CEP83: variants seen among roughly 807,000 people sequenced by gnomAD.
CEP83 encodes centrosomal protein of 83 kDa.
In CEP83, 70 loss-of-function variants were observed where a neutral mutation model predicts 101.9. The observed-to-expected ratio is 0.69, with a 90% CI of 0.57 to 0.84. CEP83 has a LOEUF of 0.84. CEP83 is among the 40% of genes least tolerant of loss of function. The pLI is 0.00. For missense variants in CEP83, 715 were observed against 787.2 expected (o/e 0.91, Z 1.10); for synonymous variants, 264 against 267.9 (o/e 0.99, Z 0.14).
rs753600363 is a variant in CEP83, at chr12:94,412,340, T to C, written c.151A>G (p.Thr51Ala). 4 of 1,609,570 alleles carry C rather than the reference T, an allele frequency of 2.5e-6. No homozygotes were observed. Among genetic ancestry groups the C allele is most frequent in the East Asian group, 4.5e-5 (2 of 44,596 alleles). ...TACCTTGTGTGTTCAGCCTTCAGTG[T>C]CTGATAATTAGCTTTATGATGCTCA... ...RCEHHKANYQ[T>A]LKAEHTRLQN... Residue 51 changes from threonine (T) to alanine (A), a missense_variant, in exon 3 of 17, where the codon ACA becomes GCA. Physicochemically the swap from Thr to Ala is moderately conservative, Grantham distance 58 (BLOSUM62 0). Coordinates refer to ENST00000397809, the MANE Select transcript of CEP83 (RefSeq NM_016122.3).
intron 2 of CEP83, among the ~76,000 whole-genome samples, chr12:94,412,978 G>A (rs919830082): frequency 4.6e-5 from 7 of 151,748 alleles, no homozygotes; most frequent in African/African-American, 1.2e-4. Flanking sequence ...TCAGCCTCCC[G>A]AGTAGCTGGG....
At chr12:94,358,358 T>C (rs758167067) in intron 11 of CEP83, among the ~76,000 whole-genome samples, 8 of 151,852 alleles carry the variant, frequency 5.3e-5, no homozygotes, top group South Asian at 2.1e-4. Flanking sequence ...GAAAAAAAAA[T>C]TGCAAGGTTT....
chr12:94,349,384 A>G (rs886965688), intron 11 of CEP83, among the ~76,000 whole-genome samples: 2 of 152,086 alleles, frequency 1.3e-5, no homozygotes, highest in East Asian at 1.9e-4. Flanking sequence ...AAATGTGTTG[A>G]CTGTAATGGT....
chr12:94,345,409 C>A (rs2059887614), intron 11 of CEP83, among the ~76,000 whole-genome samples: 1 of 152,086 alleles, frequency 6.6e-6, no homozygotes, highest in South Asian at 2.1e-4. Flanking sequence ...CCGTATTAGG[C>A]CCTTTGTTTA....
At chr12:94,347,436 T>G (rs1382624658) in intron 11 of CEP83, among the ~76,000 whole-genome samples, 9 of 152,146 alleles carry the variant, frequency 5.9e-5, no homozygotes, top group Non-Finnish European at 1.3e-4. Context: ...AACAAAATCC[T>G]CATATATTGC....
chr12:94,373,793 A>G (rs933478746), intron 8 of CEP83, among the ~76,000 whole-genome samples: 1 of 152,234 alleles, frequency 6.6e-6, no homozygotes, highest in Non-Finnish European at 1.5e-5. Context: ...TAAGACAAAC[A>G]CACCCCAGGT....
chr12:94,384,327 T>C (rs116852661), intron 6 of CEP83, among the ~76,000 whole-genome samples: 6,908 of 152,304 alleles, frequency 0.045, 214 homozygotes, highest in Non-Finnish European at 0.072. Context: ...TTTTCCCCAA[T>C]GGGTAAGATA....
chr12:94,453,822 G>A (rs1186422478), intron 1 of CEP83, among the ~76,000 whole-genome samples: 1 of 152,180 alleles, frequency 6.6e-6, no homozygotes, highest in Non-Finnish European at 1.5e-5. Flanking sequence ...GCCTAGGCCG[G>A]GCGCAGTGGC....
intron 2 of CEP83, among the ~76,000 whole-genome samples, chr12:94,415,745 TAGG>T (rs1396032447): frequency 6.6e-6 from 1 of 152,076 alleles, no homozygotes; most frequent in African/African-American, 2.4e-5. Context: ...TTCACAATGA[TAGG>T]AGGAGAATTT....
At chr12:94,417,028 G>A (rs886302602) in intron 2 of CEP83, among the ~76,000 whole-genome samples, 12 of 152,084 alleles carry the variant, frequency 7.9e-5, no homozygotes, top group East Asian at 7.7e-4. Context: ...TAGAAACCTC[G>A]ACTTGCTAGG....
intron 2 of CEP83, among the ~76,000 whole-genome samples, chr12:94,415,752 A>G (rs2064218201): frequency 6.6e-6 from 1 of 152,160 alleles, no homozygotes; most frequent in Non-Finnish European, 1.5e-5. Flanking sequence ...TGATAGGAGG[A>G]GAATTTCACC....
At chr12:94,374,353 A>G (rs2061431737) in intron 8 of CEP83, among the ~76,000 whole-genome samples, 2 of 152,152 alleles carry the variant, frequency 1.3e-5, no homozygotes, top group African/African-American at 4.8e-5. Context: ...TTATTCCAGC[A>G]GTGTAGTCTG....
chr12:94,336,204 CCT>C (rs1447103996), intron 11 of CEP83, among the ~76,000 whole-genome samples: 1 of 152,080 alleles, frequency 6.6e-6, no homozygotes, highest in Non-Finnish European at 1.5e-5. Flanking sequence ...GCTTTTCATC[CCT>C]GAGATGAATG....
At chr12:94,444,506 A>G (rs993787376) in intron 1 of CEP83, among the ~76,000 whole-genome samples, 1 of 152,248 alleles carries the variant, frequency 6.6e-6, no homozygotes, top group African/African-American at 2.4e-5. Context: ...TAGTAATTCT[A>G]ATTTTAGGAA....
chr12:94,300,228 G>C, the CEP83 span, among the ~76,000 whole-genome samples: 1 of 152,206 alleles, frequency 6.6e-6, no homozygotes, highest in Non-Finnish European at 1.5e-5. Context: ...GATGAGTGCA[G>C]TGGAGAAAGT....
At chr12:94,406,782 C>T (rs1232287309) in intron 4 of CEP83, among the ~76,000 whole-genome samples, 1 of 151,780 alleles carries the variant, frequency 6.6e-6, no homozygotes, top group Non-Finnish European at 1.5e-5. Flanking sequence ...TAAAAATTAA[C>T]CAGGCGTGGT....
At chr12:94,363,947 C>CAA (rs376859752) in intron 11 of CEP83, among the ~76,000 whole-genome samples, 39 of 59,446 alleles carry the variant, frequency 6.6e-4, no homozygotes, top group African/African-American at 1.6e-3. Context: ...GACGCTGTCT[C>CAA]AAAAAAAAAA....
intron 14 of CEP83, among the ~76,000 whole-genome samples, chr12:94,325,682 G>A (rs142002328): frequency 3.0e-4 from 45 of 152,236 alleles, no homozygotes; most frequent in Non-Finnish European, 5.7e-4. Context: ...GATAAACCTC[G>A]TAGGGAAGAC....
intron 7 of CEP83, among the ~76,000 whole-genome samples, chr12:94,378,069 C>T (rs1020480012): frequency 1.3e-5 from 2 of 152,092 alleles, no homozygotes; most frequent in African/African-American, 4.8e-5. Context: ...ATGTCCCCCC[C>T]ACCCAAATCA....
Sources: allele counts gnomAD v4.1 joint callset (sites outside exome capture counted in the v4.1 genomes callset), GRCh38; gene constraint gnomAD v4.1.1; transcripts MANE v1.5; gene names NCBI Gene and HGNC (gene_info 2026-07-23, HGNC 2026-07-21).